PPP2R2B: variants seen among roughly 807,000 people sequenced by gnomAD.
PPP2R2B encodes the protein serine/threonine-protein phosphatase 2A 55 kDa regulatory subunit B beta isoform.
A neutral mutation model predicts 46.0 loss-of-function variants in PPP2R2B; 5 were observed. The observed-to-expected ratio is 0.11, with a 90% CI of 0.06 to 0.23. The LOEUF is 0.23. PPP2R2B is among the 10% of genes least tolerant of loss of function. PPP2R2B has a pLI of 1.00. For synonymous variants in PPP2R2B, 215 were observed against 206.7 expected (o/e 1.04, Z -0.34); for missense variants, 367 against 575.0 (o/e 0.64, Z 3.70).
intron 7 of PPP2R2B, among the ~76,000 whole-genome samples, chr5:146,634,927 G>T (rs982410384): frequency 6.6e-6 from 1 of 152,068 alleles, no homozygotes; most frequent in African/African-American, 2.4e-5. Flanking sequence ...AACAAATATT[G>T]ATTAAATAAA....
intron 2 of PPP2R2B, among the ~76,000 whole-genome samples, chr5:146,772,065 A>G (rs1011166741): frequency 6.6e-6 from 1 of 152,148 alleles, no homozygotes. Context: ...AAACAACCTG[A>G]ATTACATCTA....
intron 2 of PPP2R2B, among the ~76,000 whole-genome samples, chr5:146,779,657 T>C (rs1273787902): frequency 6.6e-6 from 1 of 152,172 alleles, no homozygotes; most frequent in East Asian, 1.9e-4. Context: ...GCAATGACCT[T>C]ATAGCTCATA....
Position 146,586,185 on chromosome 5 carries a change from T to A in PPP2R2B, c.*3762A>T, listed in dbSNP as rs1467732899. On this transcript the variant is annotated 3_prime_UTR_variant, in exon 10 of 10. Coordinates refer to ENST00000394411, the MANE Select transcript of PPP2R2B (RefSeq NM_181675.4). Reference sequence around the variant, plus strand: ...CAGATGAGATCGGGTGCATTCAGGGTGGTATGTCCAAAGACTGTGTCAGGG... The same window carrying A: ...CAGATGAGATCGGGTGCATTCAGGGAGGTATGTCCAAAGACTGTGTCAGGG... 6.6e-6 allele frequency: 1 copy of A among 152,094 alleles called. No homozygotes were observed. Among genetic ancestry groups the A allele is most frequent in the Admixed American group, 6.6e-5 (1 of 15,266 alleles). 9.4% of individuals were successfully genotyped at this position (152,094 alleles called of 1,614,324 possible). A position where few individuals can be genotyped will look rare whatever the true frequency, so the allele number is the denominator to read the frequency against.
intron 1 of PPP2R2B, among the ~76,000 whole-genome samples, chr5:146,976,591 T>C (rs1752917021): frequency 6.6e-6 from 1 of 152,188 alleles, no homozygotes; most frequent in African/African-American, 2.4e-5. Context: ...GAAGGTTTCT[T>C]TCTATCAATT....
chr5:146,688,883 A>G lies in PPP2R2B; in HGVS notation c.447+2245T>C, dbSNP rs529452602. On this transcript the variant is annotated intron_variant, in intron 5 of 9. Transcript: ENST00000394411. The stretch of plus-strand genomic sequence containing the variant: ...AAGTCTGGGCAGAAGTTCACGGTAT[A>G]AACTCTACGTGGCACTTAATCCAGT... 4.6e-5 allele frequency among the ~76,000 whole-genome samples: 7 copies of G among 152,272 alleles called. No homozygotes were observed. In the South Asian group the frequency reaches 1.5e-3, roughly 32 times the overall value.
chr5:146,912,459 A>G (rs1304671107), intron 1 of PPP2R2B, among the ~76,000 whole-genome samples: 1 of 151,884 alleles, frequency 6.6e-6, no homozygotes, highest in Non-Finnish European at 1.5e-5. Flanking sequence ...CATTCTGCAT[A>G]CTTGCAGAGT....
At chr5:146,748,360 T>G (rs1753324183) in intron 2 of PPP2R2B, among the ~76,000 whole-genome samples, 2 of 152,070 alleles carry the variant, frequency 1.3e-5, no homozygotes, top group Admixed American at 6.6e-5. Context: ...CCCATCACAA[T>G]GGTAACATTT....
chr5:146,701,243 T>C (rs1453804157), intron 2 of PPP2R2B, 101 bp from the exon 3 acceptor site: 1 of 1,046,610 alleles, frequency 9.6e-7, no homozygotes, highest in Non-Finnish European at 1.5e-6. Context: ...CTTAGGGCTT[T>C]GTCTCTGCAG....
Position 146,582,545 on chromosome 5 carries a change from C to T in PPP2R2B, c.*7402G>A, listed in dbSNP as rs1045629516. ...CCAATTTTTTCTTAATTCCCTGACT[C>T]CTCTGAGCAGTCCTCTGATGCCCTG... On this transcript the variant is annotated 3_prime_UTR_variant, in exon 10 of 10. Transcript: ENST00000394411. 1 of 152,284 alleles carries T rather than the reference C, an allele frequency of 6.6e-6. No homozygotes were observed. Among genetic ancestry groups the T allele is most frequent in the Non-Finnish European group, 1.5e-5 (1 of 68,084 alleles). 9.4% of individuals were successfully genotyped at this position (152,284 alleles called of 1,614,324 possible). A position where few individuals can be genotyped will look rare whatever the true frequency, so the allele number is the denominator to read the frequency against.
intron 2 of PPP2R2B, among the ~76,000 whole-genome samples, chr5:146,810,450 C>T (rs1757457934): frequency 6.6e-6 from 1 of 152,120 alleles, no homozygotes; most frequent in East Asian, 1.9e-4. Flanking sequence ...TCCGCTGGGT[C>T]CATCTCACAA....
chr5:146,947,892 G>T lies in PPP2R2B; in HGVS notation c.79+107773C>A, dbSNP rs148287850. Reference sequence around the variant, plus strand: ...TGCGTTCTCTTCTTTTCCTCAAGGCGAAATCCCACTAATCACCTTTCATGT... The same window carrying T: ...TGCGTTCTCTTCTTTTCCTCAAGGCTAAATCCCACTAATCACCTTTCATGT... On this transcript the variant is annotated intron_variant, in intron 1 of 8. Transcript: ENST00000336640. 9.2e-5 allele frequency among the ~76,000 whole-genome samples: 14 copies of T among 151,484 alleles called. No individual in the cohort carries two copies. The East Asian group carries it at 2.2e-3, about 24-fold the overall frequency.
At chr5:146,631,681 A>G in intron 7 of PPP2R2B, among the ~76,000 whole-genome samples, 1 of 152,208 alleles carries the variant, frequency 6.6e-6, no homozygotes, top group East Asian at 1.9e-4. Context: ...TGCTTTGTTC[A>G]GAAAGAAAGT....
At chr5:146,933,176 A>T (rs1764022642) in intron 1 of PPP2R2B, among the ~76,000 whole-genome samples, 1 of 152,202 alleles carries the variant, frequency 6.6e-6, no homozygotes, top group Non-Finnish European at 1.5e-5. Context: ...AGTAACAGGG[A>T]TTGGAAAATA....
At chr5:146,599,833 G>A (rs1771603238) in intron 8 of PPP2R2B, among the ~76,000 whole-genome samples, 1 of 152,074 alleles carries the variant, frequency 6.6e-6, no homozygotes, top group Admixed American at 6.5e-5. Context: ...GGTGTATGAT[G>A]TTCCCCTTCC....
intron 1 of PPP2R2B, among the ~76,000 whole-genome samples, chr5:146,948,668 T>C (rs1197346844): frequency 6.6e-6 from 1 of 152,078 alleles, no homozygotes; most frequent in Admixed American, 6.6e-5. Context: ...TAAAGGAAAT[T>C]TGGCTGATTT....
At chr5:146,661,405 G>T (rs1472324171) in intron 5 of PPP2R2B, among the ~76,000 whole-genome samples, 4 of 152,062 alleles carry the variant, frequency 2.6e-5, no homozygotes, top group Non-Finnish European at 5.9e-5. Flanking sequence ...AGTTCATGAA[G>T]ACGTTTTGGA....
At chr5:147,037,341 T>C (rs1165155835) in intron 1 of PPP2R2B, among the ~76,000 whole-genome samples, 1 of 151,878 alleles carries the variant, frequency 6.6e-6, no homozygotes, top group Non-Finnish European at 1.5e-5. Flanking sequence ...TGTGAGTAAA[T>C]TGTTAGGCAA....
intron 2 of PPP2R2B, among the ~76,000 whole-genome samples, chr5:146,742,640 A>G (rs1425257191): frequency 6.6e-6 from 1 of 152,166 alleles, no homozygotes; most frequent in Non-Finnish European, 1.5e-5. Context: ...ATATAATAAT[A>G]AATGATAATA....
chr5:146,822,313 G>T (rs10067441), intron 2 of PPP2R2B, among the ~76,000 whole-genome samples: 21,005 of 151,948 alleles, frequency 0.14, 1,875 homozygotes, highest in East Asian at 0.41. Context: ...ACTTCTCCTT[G>T]CTCTCCAAAT....
Sources: allele counts gnomAD v4.1 joint callset (sites outside exome capture counted in the v4.1 genomes callset), GRCh38; gene constraint gnomAD v4.1.1; transcripts MANE v1.5; gene names NCBI Gene and HGNC (gene_info 2026-07-23, HGNC 2026-07-21).